BICRA: variants seen among roughly 807,000 people sequenced by gnomAD.
The protein encoded by BICRA is BRD4-interacting chromatin-remodeling complex-associated protein.
In BICRA, 31 loss-of-function variants were observed where a neutral mutation model predicts 96.9. The ratio of observed to expected loss-of-function variants is 0.32; its 90% CI spans 0.24 to 0.43. BICRA has a LOEUF of 0.43. Ranked by LOEUF, BICRA falls within the 20% of genes least tolerant of loss-of-function variation. The pLI is 1.00. For missense variants in BICRA, 2,283 were observed against 2,190.3 expected (o/e 1.04, Z -0.84); for synonymous variants, 1,350 against 1,071.8 (o/e 1.26, Z -5.07).
In BICRA at chr19:47,702,063, T is replaced by C. The variant is rs1973465542; in HGVS notation, c.4331T>C (p.Leu1444Pro). 2.0e-6 allele frequency: 3 copies of C among 1,510,474 alleles called. No homozygotes were observed. The highest frequency in any genetic ancestry group is 2.6e-6 in the Non-Finnish European group (3 of 1,137,944). The allele number at this position is 1,510,474 out of a possible 1,614,324, so 93.6% of individuals were successfully genotyped here. Residue 1444 changes from leucine (L) to proline (P), a missense_variant, in exon 15 of 15, where the codon CTG (leucine) becomes CCG (proline). Transcript: ENST00000594866. ...AVEDELYQRM[L>P]KGPPPEPAAS... is the part of the protein sequence containing the mutation. ...GAGGACGAGCTGTACCAGCGTATGC[T>C]GAAGGGCCCCCCGCCAGAGCCCGCA... is the stretch of plus-strand genomic sequence containing the variant.
Position 47,702,782 on chromosome 19 carries a change from C to T in BICRA, c.*367C>T, listed in dbSNP as rs1030911748. On this transcript the variant is annotated 3_prime_UTR_variant, in exon 15 of 15. Transcript: ENST00000594866. ...TGATGCCAACGCTCCGGGTGCCTGTCTTGTCTGTGTGGCTTCTCAGATGGT... is the reference window on the plus strand; with the variant it reads ...TGATGCCAACGCTCCGGGTGCCTGTTTTGTCTGTGTGGCTTCTCAGATGGT... 1 of 277,500 alleles carries T rather than the reference C, an allele frequency of 3.6e-6. No homozygotes were observed. Among genetic ancestry groups the T allele is most frequent in the African/African-American group, 2.3e-5 (1 of 43,610 alleles). 17.2% of individuals were successfully genotyped at this position (277,500 alleles called of 1,614,324 possible). A position where few individuals can be genotyped will look rare whatever the true frequency, so the allele number is the denominator to read the frequency against.
chr19:47,611,570 G>T (rs1971907915), intron 1 of BICRA, among the ~76,000 whole-genome samples: 8 of 152,218 alleles, frequency 5.3e-5, no homozygotes, highest in Admixed American at 3.9e-4. Context: ...GTTTGGGAAT[G>T]TTGATGTCTG....
Position 47,702,187 on chromosome 19 carries a change from C to A in BICRA, c.4455C>A (p.Ala1485=). Residue 1485 remains alanine, a synonymous_variant, in exon 15 of 15, where the codon GCC becomes GCA. Coordinates refer to ENST00000594866, the MANE Select transcript of BICRA (RefSeq NM_001394372.1). ...RKSESPDVDQ[A]SFSSDSPQDD... is the part of the protein sequence containing the mutation. ...CCGAGTCGCCCGACGTGGACCAGGCCAGCTTCTCCAGCGACAGCCCGCAGG... is the reference window on the plus strand; with the variant it reads ...CCGAGTCGCCCGACGTGGACCAGGCAAGCTTCTCCAGCGACAGCCCGCAGG... 1 of 1,589,872 alleles carries A rather than the reference C, an allele frequency of 6.3e-7. No individual in the cohort carries two copies. Among genetic ancestry groups the A allele is most frequent in the Non-Finnish European group, 8.5e-7 (1 of 1,174,190 alleles).
intron 4 of BICRA, among the ~76,000 whole-genome samples, chr19:47,674,302 AAGT>A (rs1972910113): frequency 6.6e-6 from 1 of 151,898 alleles, no homozygotes; most frequent in Admixed American, 6.6e-5. Context: ...TAGTAGGTAA[AAGT>A]CACCAGGTTG....
At position 47,703,065 on chromosome 19, in the gene BICRA, C is replaced by T. The variant is rs893828731; in HGVS notation, c.*650C>T. 4 of 152,646 alleles carry T rather than the reference C, an allele frequency of 2.6e-5. No individual in the cohort carries two copies. Among genetic ancestry groups the T allele is most frequent in the African/African-American group, 4.8e-5 (2 of 41,414 alleles). 9.5% of individuals were successfully genotyped at this position (152,646 alleles called of 1,614,324 possible). ...GAGCAAAACAAGAAACTGGGGTCTT[C>T]CTCTCCCCCGAACCTCTCCCCAGCT... is the stretch of plus-strand genomic sequence containing the variant. On this transcript the variant is annotated 3_prime_UTR_variant, in exon 15 of 15. Transcript: ENST00000594866.
At chr19:47,667,477 G>C (rs1170386914) in intron 1 of BICRA, among the ~76,000 whole-genome samples, 1 of 152,134 alleles carries the variant, frequency 6.6e-6, no homozygotes, top group Non-Finnish European at 1.5e-5. Context: ...TGGTAGGTAG[G>C]TCGTGCACAG....
intron 1 of BICRA, among the ~76,000 whole-genome samples, chr19:47,622,768 G>A (rs1245703263): frequency 6.7e-6 from 1 of 150,120 alleles, no homozygotes; most frequent in Non-Finnish European, 1.5e-5. Context: ...GGCCGGGTGC[G>A]GTGGCTCATG....
chr19:47,658,621 G>A (rs1183120278), intron 1 of BICRA, among the ~76,000 whole-genome samples: 1 of 125,286 alleles, frequency 8.0e-6, no homozygotes, highest in African/African-American at 3.3e-5. Flanking sequence ...GACAGAATGA[G>A]ACTTCGTCTC....
chr19:47,629,000 CTTTA>C (rs1159793216), intron 1 of BICRA, among the ~76,000 whole-genome samples: 1 of 151,564 alleles, frequency 6.6e-6, no homozygotes, highest in African/African-American at 2.4e-5. Flanking sequence ...CCAACTGAAA[CTTTA>C]TTTATTTATT....
chr19:47,659,754 T>C (rs917933103), intron 1 of BICRA, among the ~76,000 whole-genome samples: 2 of 151,806 alleles, frequency 1.3e-5, no homozygotes, highest in Non-Finnish European at 2.9e-5. Context: ...CTTCTCTCTT[T>C]CTTTTTCTTT....
intron 1 of BICRA, among the ~76,000 whole-genome samples, chr19:47,613,304 C>T (rs539839763): frequency 3.3e-5 from 5 of 152,214 alleles, no homozygotes; most frequent in East Asian, 1.9e-4. Context: ...AACCCCCACC[C>T]GCCAGGCTGC....
At position 47,616,482 on chromosome 19, in the gene BICRA, C is replaced by A. The variant is rs563444642; in HGVS notation, c.-108+7314C>A. ...TGAAGCCCTGTCTCTACTAAAAATA[C>A]AAAAAAATTAGCCAGGCGTGGTGGC... is the stretch of plus-strand genomic sequence containing the variant. On this transcript the variant is annotated intron_variant, in intron 1 of 14. Transcript: ENST00000594866. Among the ~76,000 whole-genome samples, 5 of 152,052 alleles carry A rather than the reference C, an allele frequency of 3.3e-5. No individual in the cohort carries two copies. The East Asian group carries it at 9.7e-4, about 30-fold the overall frequency.
intron 1 of BICRA, among the ~76,000 whole-genome samples, chr19:47,651,798 A>G (rs528173142): frequency 3.3e-5 from 5 of 152,298 alleles, no homozygotes; most frequent in African/African-American, 1.2e-4. Flanking sequence ...TGGTTCCAAG[A>G]CCTAGAGAAG....
At chr19:47,665,400 A>G (rs1431854667) in intron 1 of BICRA, among the ~76,000 whole-genome samples, 2 of 152,212 alleles carry the variant, frequency 1.3e-5, no homozygotes, top group Non-Finnish European at 2.9e-5. Context: ...CCTGGGGGAC[A>G]TTTCGGTAGA....
chr19:47,701,289 A>ATC lies in BICRA; in HGVS notation c.3596-38_3596-37dup. The ATC allele has an allele frequency of 6.6e-7, 1 of 1,519,348 alleles. No homozygotes were observed. The highest frequency in any genetic ancestry group is 2.3e-5 in the East Asian group (1 of 44,198). The allele number at this position is 1,519,348 out of a possible 1,614,324, so 94.1% of individuals were successfully genotyped here. A position where few individuals can be genotyped will look rare whatever the true frequency, so the allele number is the denominator to read the frequency against. The stretch of plus-strand genomic sequence containing the variant: ...CTCCCAGCTCGGTCGGGGGGTCCTC[A>ATC]TCCTAACCCCGCGGGTTTTCTTTGC... On this transcript the variant is annotated intron_variant, in intron 14 of 14. Coordinates refer to ENST00000594866, the MANE Select transcript of BICRA (RefSeq NM_001394372.1). The surrounding 1 kb of genome is among the most constrained non-coding windows in gnomAD (Gnocchi z 5.4).
At chr19:47,682,235 C>T in intron 7 of BICRA, 83 bp downstream of exon 7, 2 of 624,796 alleles carry the variant, frequency 3.2e-6, no homozygotes, top group Non-Finnish European at 5.6e-6. Context: ...TCGCTCTCCG[C>T]CCTGCCTGCG....
chr19:47,619,624 G>A (rs553700626), intron 1 of BICRA, among the ~76,000 whole-genome samples: 7 of 151,910 alleles, frequency 4.6e-5, no homozygotes, highest in African/African-American at 1.4e-4. Context: ...GGCCAGGCAC[G>A]GTGGCTCACA....
At chr19:47,618,756 CTG>C (rs1449343361) in intron 1 of BICRA, among the ~76,000 whole-genome samples, 1 of 152,232 alleles carries the variant, frequency 6.6e-6, no homozygotes, top group Non-Finnish European at 1.5e-5. Context: ...CTGTCTGAGG[CTG>C]TGAGACCCTT....
At chr19:47,677,224 C>A (rs1252481195) in intron 5 of BICRA, among the ~76,000 whole-genome samples, 3 of 152,176 alleles carry the variant, frequency 2.0e-5, no homozygotes, top group African/African-American at 7.2e-5. Flanking sequence ...CGTGAACCCT[C>A]CATGTGGATT....
Sources: allele counts gnomAD v4.1 joint callset (sites outside exome capture counted in the v4.1 genomes callset), GRCh38; gene constraint gnomAD v4.1.1; non-coding constraint Gnocchi (gnomAD v3.1); transcripts MANE v1.5; gene names NCBI Gene and HGNC (gene_info 2026-07-23, HGNC 2026-07-21).